The following EFNA5 variants were observed in gnomAD, a reference collection of about 807,000 sequenced individuals.
EFNA5 encodes the protein ephrin A5, also known as ephrin-A5.
Under a neutral mutation model 22.9 loss-of-function variants are expected in EFNA5, and 5 were observed. The observed-to-expected ratio is 0.22, with a 90% CI of 0.11 to 0.46. EFNA5 has a LOEUF of 0.46. Ranked by LOEUF, EFNA5 falls within the 20% of genes least tolerant of loss-of-function variation. The pLI is 0.99. For missense variants in EFNA5, 237 were observed against 293.3 expected (o/e 0.81, Z 1.40); for synonymous variants, 113 against 112.2 (o/e 1.01, Z -0.04).
At chr5:107,670,061 G>T (rs1240387714) in intron 1 of EFNA5, among the ~76,000 whole-genome samples, 1 of 150,096 alleles carries the variant, frequency 6.7e-6, no homozygotes, top group Non-Finnish European at 1.5e-5. Flanking sequence ...AAAAACTTTG[G>T]GGGATGTTTG....
At chr5:107,512,546 A>G (rs1177287074) in intron 1 of EFNA5, among the ~76,000 whole-genome samples, 1 of 152,134 alleles carries the variant, frequency 6.6e-6, no homozygotes. Flanking sequence ...CACCCAGGTT[A>G]AGAAGCTGAA....
At chr5:107,543,363 C>T (rs6884705) in intron 1 of EFNA5, among the ~76,000 whole-genome samples, 14,102 of 152,274 alleles carry the variant, frequency 0.093, 822 homozygotes, top group Non-Finnish European at 0.13. Context: ...ATTTAAGTGA[C>T]GTTGTCAATC....
chr5:107,489,969 C>T (rs531753109), intron 1 of EFNA5, among the ~76,000 whole-genome samples: 2 of 152,284 alleles, frequency 1.3e-5, no homozygotes, highest in Middle Eastern at 6.8e-3. Flanking sequence ...CAGAAGATCT[C>T]ATGACTCAGG....
intron 2 of EFNA5, among the ~76,000 whole-genome samples, chr5:107,403,477 G>A (rs1252919498): frequency 2.6e-5 from 4 of 152,164 alleles, no homozygotes; most frequent in Non-Finnish European, 5.9e-5. Context: ...ACAGATTTGT[G>A]GAAAATGCCT....
chr5:107,630,463 T>C (rs1750227024), intron 1 of EFNA5, among the ~76,000 whole-genome samples: 2 of 152,098 alleles, frequency 1.3e-5, no homozygotes, highest in Non-Finnish European at 2.9e-5. Flanking sequence ...TCTAAATGTA[T>C]CTAAACATAG....
chr5:107,460,933 G>A (rs1580466604), intron 1 of EFNA5, among the ~76,000 whole-genome samples: 5 of 152,182 alleles, frequency 3.3e-5, no homozygotes, highest in East Asian at 1.9e-4. Context: ...AAAAGGACAC[G>A]GTATTCATTC....
chr5:107,604,756 G>A (rs1419484671), intron 1 of EFNA5, among the ~76,000 whole-genome samples: 1 of 152,158 alleles, frequency 6.6e-6, no homozygotes, highest in Non-Finnish European at 1.5e-5. Context: ...GTTGGCATGT[G>A]TACGAAATGT....
chr5:107,661,691 T>C (rs1020166743), intron 1 of EFNA5, among the ~76,000 whole-genome samples: 1 of 152,224 alleles, frequency 6.6e-6, no homozygotes, highest in African/African-American at 2.4e-5. Flanking sequence ...CCCATTCTCA[T>C]TTGTCTCCAT....
At position 107,490,670 on chromosome 5, in the gene EFNA5, G is replaced by A. The variant is rs373995883; in HGVS notation, c.126-63161C>T. Among the ~76,000 whole-genome samples the A allele has an allele frequency of 3.9e-4, 59 of 152,224 alleles. No individual in the cohort carries two copies. In the South Asian group the frequency reaches 0.012, roughly 30 times the overall value. ...GTTCCTTTGGCAGGGAACATTAACC[G>A]CTGACTTATGCTTGTCACTGCATAG... On this transcript the variant is annotated intron_variant, in intron 1 of 4. Coordinates refer to ENST00000333274, the MANE Select transcript of EFNA5 (RefSeq NM_001962.3).
At chr5:107,538,951 A>G (rs1214889032) in intron 1 of EFNA5, among the ~76,000 whole-genome samples, 1 of 152,220 alleles carries the variant, frequency 6.6e-6, no homozygotes, top group Non-Finnish European at 1.5e-5. Flanking sequence ...GGCTTATACA[A>G]TTAACAACTG....
intron 1 of EFNA5, among the ~76,000 whole-genome samples, chr5:107,455,899 A>C (rs1209969482): frequency 6.6e-6 from 1 of 152,198 alleles, no homozygotes; most frequent in Non-Finnish European, 1.5e-5. Flanking sequence ...AACAACTTTA[A>C]TGCACAGCTG....
chr5:107,476,851 G>T (rs1750326765), intron 1 of EFNA5, among the ~76,000 whole-genome samples: 1 of 151,774 alleles, frequency 6.6e-6, no homozygotes, highest in African/African-American at 2.4e-5. Flanking sequence ...TTGATGAAAT[G>T]ATTTGATGTG....
chr5:107,435,233 G>A (rs950072495), intron 1 of EFNA5, among the ~76,000 whole-genome samples: 1 of 151,320 alleles, frequency 6.6e-6, no homozygotes, highest in African/African-American at 2.4e-5. Flanking sequence ...TGTATAACAT[G>A]CTGCTTCTTG....
chr5:107,571,580 T>C (rs901285137), intron 1 of EFNA5, among the ~76,000 whole-genome samples: 1 of 152,012 alleles, frequency 6.6e-6, no homozygotes, highest in Non-Finnish European at 1.5e-5. Context: ...TGGCATAGGT[T>C]TGGGCTCTCT....
chr5:107,582,675 T>C (rs1749096723), intron 1 of EFNA5, among the ~76,000 whole-genome samples: 1 of 151,802 alleles, frequency 6.6e-6, no homozygotes, highest in African/African-American at 2.4e-5. Context: ...TTTATTTTCA[T>C]CAAGCCCCAA....
chr5:107,568,316 G>C (rs905467077), intron 1 of EFNA5, among the ~76,000 whole-genome samples: 14 of 152,172 alleles, frequency 9.2e-5, no homozygotes, highest in African/African-American at 2.7e-4. Flanking sequence ...AAGGAGAAAA[G>C]ACAAAGAGGA....
chr5:107,647,792 C>T (rs575776675), intron 1 of EFNA5, among the ~76,000 whole-genome samples: 74 of 152,162 alleles, frequency 4.9e-4, no homozygotes, highest in African/African-American at 1.7e-3. Flanking sequence ...GATTAGTCCA[C>T]CGAAAACTCA....
chr5:107,595,314 T>A (rs564544420), intron 1 of EFNA5, among the ~76,000 whole-genome samples: 1 of 152,242 alleles, frequency 6.6e-6, no homozygotes, highest in African/African-American at 2.4e-5. Context: ...GGAATTTCTC[T>A]GTACAAATTA....
chr5:107,534,148 G>T (rs1035880745), intron 1 of EFNA5, among the ~76,000 whole-genome samples: 14 of 152,194 alleles, frequency 9.2e-5, no homozygotes, highest in Non-Finnish European at 1.6e-4. Context: ...GCAACTGTCT[G>T]CAGAGATAAG....
Sources: gnomAD v4.1 joint callset for allele counts (sites outside exome capture counted in the v4.1 genomes callset) on GRCh38, gnomAD v4.1.1 for gene constraint, MANE v1.5 for transcripts, NCBI Gene and HGNC (gene_info 2026-07-23, HGNC 2026-07-21) for gene names.